The following S100P variants were observed in gnomAD, a reference collection of about 807,000 sequenced individuals.
S100P encodes protein S100-P.
A neutral mutation model predicts 4.7 loss-of-function variants in S100P; 7 were observed. That is an observed-to-expected ratio of 1.48 (90% CI 0.84 to 2.77). The LOEUF is 2.77. Among genes scored for constraint, S100P ranks in the 30% most tolerant of loss-of-function variants. The probability of loss-of-function intolerance (pLI) is 0.00; values close to 1 mark genes in which losing one functional copy is unlikely to be tolerated. For missense variants in S100P, 122 were observed against 120.6 expected, an observed-to-expected ratio of 1.01 and a Z score of -0.06; for synonymous variants, 48 against 49.0, an observed-to-expected ratio of 0.98 and a Z score of 0.08.
In S100P at chr4:6,696,914, G is replaced by C; in HGVS notation, c.160G>C (p.Val54Leu). The change falls in exon 2 of 2, where the codon GTG becomes CTG. Residue 54 changes from valine (V) to leucine (L), a missense_variant. Transcript: ENST00000296370. The stretch of plus-strand genomic sequence containing the variant: ...CTAGAGTGGAAAAGACAAGGATGCC[G>C]TGGATAAATTGCTCAAGGACCTGGA... ...FLQSGKDKDA[V>L]DKLLKDLDAN... The C allele has an allele frequency of 1.2e-6, 2 of 1,613,900 alleles. No individual in the cohort carries two copies. Among genetic ancestry groups the C allele is most frequent in the Non-Finnish European group, 8.5e-7 (1 of 1,179,858 alleles).
In S100P at chr4:6,696,911, GC is replaced by G. The variant is rs1232224359; in HGVS notation, c.159del (p.Val54TrpfsTer22). 5 of 1,613,980 alleles carry G rather than the reference GC, an allele frequency of 3.1e-6. No homozygotes were observed. The Admixed American group carries it at 8.3e-5, about 27-fold the overall frequency. Reference protein sequence around the residue: ...GFLQSGKDKDAVDKLLKDLDA... With the variant: ...GFLQSGKDKDXVDKLLKDLDA... ...CCTCTAGAGTGGAAAAGACAAGGAT[GC>G]CGTGGATAAATTGCTCAAGGACCTG... On this transcript the variant is annotated frameshift_variant, in exon 2 of 2. Coordinates refer to ENST00000296370, the MANE Select transcript of S100P (RefSeq NM_005980.3). LOFTEE classifies it low-confidence loss of function (END_TRUNC).
intron 1 of S100P, among the ~76,000 whole-genome samples, chr4:6,695,863 G>A (rs3822264): frequency 0.13 from 19,367 of 152,248 alleles, 1,365 homozygotes; most frequent in East Asian, 0.2. Context: ...CCAGCGCCCC[G>A]CACAGTCGGA....
chr4:6,694,859 C>A (rs1379043543), intron 1 of S100P, among the ~76,000 whole-genome samples: 1 of 152,160 alleles, frequency 6.6e-6, no homozygotes, highest in Admixed American at 6.5e-5. Context: ...AAGGGGCTAA[C>A]CCACATAGAT....
Position 6,697,130 on chromosome 4 carries a change from C to A in S100P, c.*88C>A. On this transcript the variant is annotated 3_prime_UTR_variant, in exon 2 of 2. Coordinates refer to ENST00000296370, the MANE Select transcript of S100P (RefSeq NM_005980.3). ...TTGGCAATTATTCCCCTAGGCTGAGCCTGCTCATGTACCTCTGATTAATAA... is the reference window on the plus strand; with the variant it reads ...TTGGCAATTATTCCCCTAGGCTGAGACTGCTCATGTACCTCTGATTAATAA... 9.6e-7 allele frequency: 1 copy of A among 1,038,364 alleles called. No individual in the cohort carries two copies. Among genetic ancestry groups the A allele is most frequent in the Non-Finnish European group, 1.4e-6 (1 of 699,266 alleles). 64.3% of individuals were successfully genotyped at this position (1,038,364 alleles called of 1,614,324 possible).
chr4:6,696,856 A>T (rs759509456), intron 1 of S100P, 37 bp from the exon 2 acceptor site: 1 of 1,591,236 alleles, frequency 6.3e-7, no homozygotes, highest in African/African-American at 1.3e-5. Flanking sequence ...CTGCACAGGC[A>T]CCCTCACTGC....
chr4:6,695,327 T>C (rs967082614), intron 1 of S100P, among the ~76,000 whole-genome samples: 1 of 152,212 alleles, frequency 6.6e-6, no homozygotes, highest in Non-Finnish European at 1.5e-5. Flanking sequence ...GTTCTGTTTT[T>C]GGTAGAAAAT....
rs1367872797 is a variant in S100P at position 6,693,897 on chromosome 4, A to G, written c.-36A>G. ...AGTGGGACATTTTCTCGGCCCTGCCAGCCCCCAGGAGGAAGGTGGGTCTGA... is the reference window on the plus strand; with the variant it reads ...AGTGGGACATTTTCTCGGCCCTGCCGGCCCCCAGGAGGAAGGTGGGTCTGA... On this transcript the variant is annotated 5_prime_UTR_variant, in exon 1 of 2. Coordinates refer to ENST00000296370, the MANE Select transcript of S100P (RefSeq NM_005980.3). The G allele has an allele frequency of 3.1e-6, 5 of 1,613,854 alleles. No homozygotes were observed. In the Admixed American group the frequency reaches 8.3e-5, roughly 27 times the overall value.
chr4:6,697,128 A>G lies in S100P; in HGVS notation c.*86A>G, dbSNP rs1490068156. On this transcript the variant is annotated 3_prime_UTR_variant, in exon 2 of 2. Coordinates refer to ENST00000296370, the MANE Select transcript of S100P (RefSeq NM_005980.3). ...TGTTGGCAATTATTCCCCTAGGCTG[A>G]GCCTGCTCATGTACCTCTGATTAAT... The G allele has an allele frequency of 9.2e-7, 1 of 1,083,578 alleles. No individual in the cohort carries two copies. The highest frequency in any genetic ancestry group is 2.4e-5 in the East Asian group (1 of 40,900). The allele number at this position is 1,083,578 out of a possible 1,614,324, so 67.1% of individuals were successfully genotyped here.
chr4:6,697,023 A>G lies in S100P; in HGVS notation c.269A>G (p.Glu90Gly), dbSNP rs762942439. Residue 90 changes from glutamate (E) to glycine (G), a missense_variant, in exon 2 of 2, where the codon GAG becomes GGG. Transcript: ENST00000296370. ...ACGTCTGCCTGTCACAAGTACTTTGAGAAGGCAGGACTCAAATGATGCCCT... is the reference window on the plus strand; with the variant it reads ...ACGTCTGCCTGTCACAAGTACTTTGGGAAGGCAGGACTCAAATGATGCCCT... Reference protein sequence around the residue: ...AITSACHKYFEKAGLK With the variant: ...AITSACHKYFGKAGLK 3.7e-6 allele frequency: 6 copies of G among 1,613,474 alleles called. No individual in the cohort carries two copies. The Admixed American group carries it at 6.7e-5, about 18-fold the overall frequency.
chr4:6,694,694 T>TCCGC (rs1448370385), intron 1 of S100P, among the ~76,000 whole-genome samples: 1 of 152,134 alleles, frequency 6.6e-6, no homozygotes, highest in East Asian at 1.9e-4. Context: ...CCAGCTTCCT[T>TCCGC]CCGCCCGGGG....
chr4:6,696,853 G>A (rs1714383650), intron 1 of S100P, 40 bp from the exon 2 acceptor site: 4 of 1,588,266 alleles, frequency 2.5e-6, no homozygotes, highest in Non-Finnish European at 3.4e-6. Flanking sequence ...GCCCTGCACA[G>A]GCACCCTCAC....
chr4:6,697,005 C>A lies in S100P; in HGVS notation c.251C>A (p.Ala84Asp). Residue 84 changes from alanine (A) to aspartate (D), a missense_variant, in exon 2 of 2, where the codon GCC (alanine) becomes GAC (aspartate). By Grantham distance (126) the Ala-to-Asp change is moderately radical (BLOSUM62 -2). Coordinates refer to ENST00000296370, the MANE Select transcript of S100P (RefSeq NM_005980.3). ...GTGTTCGTGGCTGCAATCACGTCTG[C>A]CTGTCACAAGTACTTTGAGAAGGCA... ...FIVFVAAITS[A>D]CHKYFEKAGL... is the part of the protein sequence containing the mutation. 1.9e-6 allele frequency: 3 copies of A among 1,613,750 alleles called. No homozygotes were observed. The highest frequency in any genetic ancestry group is 2.5e-6 in the Non-Finnish European group (3 of 1,179,708).
At position 6,697,086 on chromosome 4, in the gene S100P, G is replaced by A. The variant is rs766685058; in HGVS notation, c.*44G>A. 1.3e-6 allele frequency: 2 copies of A among 1,560,546 alleles called. No homozygotes were observed. The highest frequency in any genetic ancestry group is 1.7e-6 in the Non-Finnish European group (2 of 1,145,432). On this transcript the variant is annotated 3_prime_UTR_variant, in exon 2 of 2. Coordinates refer to ENST00000296370, the MANE Select transcript of S100P (RefSeq NM_005980.3). ...GATTCCTGGCAGAGCCATGGTCCCA[G>A]GCTTCCCAAAAGTGTTTGTTGGCAA...
At chr4:6,694,686 A>G (rs966178518) in intron 1 of S100P, among the ~76,000 whole-genome samples, 4 of 152,172 alleles carry the variant, frequency 2.6e-5, no homozygotes, top group African/African-American at 9.6e-5. Flanking sequence ...GGCCAGGACC[A>G]GCTTCCTTCC....
At chr4:6,696,665 C>T (rs34209394) in intron 1 of S100P, among the ~76,000 whole-genome samples, 9,902 of 152,350 alleles carry the variant, frequency 0.065, 1,065 homozygotes, top group African/African-American at 0.23. Context: ...CCAATTCGCT[C>T]TAAAAACATT....
rs1465867127 is a variant in S100P at position 6,696,980 on chromosome 4, G to C, written c.226G>C (p.Val76Leu). The stretch of plus-strand genomic sequence containing the variant: ...CCAGGTGGACTTCAGTGAGTTCATA[G>C]TGTTCGTGGCTGCAATCACGTCTGC... ...DAQVDFSEFI[V>L]FVAAITSACH... Residue 76 changes from valine (V) to leucine (L), a missense_variant, in exon 2 of 2, where the codon GTG becomes CTG. Physicochemically the swap from Val to Leu is conservative, Grantham distance 32 (BLOSUM62 1). Coordinates refer to ENST00000296370, the MANE Select transcript of S100P (RefSeq NM_005980.3). The C allele has an allele frequency of 6.2e-7, 1 of 1,613,650 alleles. No individual in the cohort carries two copies. The highest frequency in any genetic ancestry group is 1.3e-5 in the African/African-American group (1 of 74,924).
chr4:6,695,782 G>A (rs1181129135), intron 1 of S100P, among the ~76,000 whole-genome samples: 2 of 151,534 alleles, frequency 1.3e-5, no homozygotes, highest in African/African-American at 2.4e-5. Context: ...GCCGGAGTCA[G>A]AGAACAATGT....
chr4:6,695,677 G>C (rs1398191457), intron 1 of S100P, among the ~76,000 whole-genome samples: 1 of 152,208 alleles, frequency 6.6e-6, no homozygotes, highest in Non-Finnish European at 1.5e-5. Flanking sequence ...TGGCAAAGCT[G>C]GGGGTCCAGC....
In S100P at chr4:6,693,898, GC is replaced by G. The variant is rs1253593901; in HGVS notation, c.-30del. ...GTGGGACATTTTCTCGGCCCTGCCA[GC>G]CCCCAGGAGGAAGGTGGGTCTGAAT... On this transcript the variant is annotated 5_prime_UTR_variant, in exon 1 of 2. Transcript: ENST00000296370. The G allele has an allele frequency of 1.2e-6, 2 of 1,613,760 alleles. No individual in the cohort carries two copies. The highest frequency in any genetic ancestry group is 1.7e-6 in the Non-Finnish European group (2 of 1,179,814).
Sources: gnomAD v4.1 joint callset for allele counts (sites outside exome capture counted in the v4.1 genomes callset) on GRCh38, gnomAD v4.1.1 for gene constraint, MANE v1.5 for transcripts, NCBI Gene and HGNC (gene_info 2026-07-23, HGNC 2026-07-21) for gene names.